Variants in NOPCHAP1 observed in about 807,000 individuals in gnomAD.
NOPCHAP1 encodes the protein DNA damage-sensitive RNA 1.
NOPCHAP1 carries 13 observed loss-of-function variants against 14.0 expected under a neutral mutation model. That is an observed-to-expected ratio of 0.93 (90% confidence interval 0.60 to 1.47). The LOEUF (loss-of-function observed/expected upper bound fraction) is 1.47. NOPCHAP1 is among the 40% of genes most tolerant of loss of function. The pLI, the probability that NOPCHAP1 is intolerant of heterozygous loss-of-function variation, is 0.00. For synonymous variants in NOPCHAP1, 78 were observed against 78.4 expected (o/e 1.00, Z 0.03); for missense variants, 230 against 226.9 (o/e 1.01, Z -0.09).
At position 104,986,384 on chromosome 12, in the gene NOPCHAP1, C is replaced by G. The variant is rs535539364; in HGVS notation, c.32C>G (p.Pro11Arg). MEVHGKPKASPSCSSPTRDSS... is the reference protein window; with the variant it reads MEVHGKPKASRSCSSPTRDSS... ...GTCCATGGCAAGCCCAAGGCTAGCC[C>G]GAGTTGTTCGTCGCCCACCCGGGAT... The change falls in exon 1 of 4, where the codon CCG becomes CGG. Residue 11 changes from proline to arginine, a missense_variant. Transcript: ENST00000552951. 9 of 1,611,496 alleles carry G rather than the reference C, an allele frequency of 5.6e-6. No individual in the cohort carries two copies. In the Admixed American group the frequency reaches 6.7e-5, roughly 12 times the overall value.
chr12:105,011,259 T>G lies in NOPCHAP1; in HGVS notation c.*16563T>G, dbSNP rs1873813019. ...CCTTCTTTGTCTTTTTTGATCTTTG[T>G]TGGTTTAAAGTCTGTTTTATCGGAG... On this transcript the variant is annotated 3_prime_UTR_variant, in exon 4 of 4. Transcript: ENST00000552951. 1 of 152,230 alleles carries G rather than the reference T, an allele frequency of 6.6e-6. No homozygotes were observed. The highest frequency in any genetic ancestry group is 1.5e-5 in the Non-Finnish European group (1 of 68,040). The allele number at this position is 152,230 out of a possible 1,614,324, so 9.4% of individuals were successfully genotyped here.
intron 2 of NOPCHAP1, among the ~76,000 whole-genome samples, chr12:104,989,194 G>A (rs1175409485): frequency 6.6e-6 from 1 of 152,116 alleles, no homozygotes; most frequent in Non-Finnish European, 1.5e-5. Flanking sequence ...ATAATGTTGA[G>A]CATCTTTTCA....
Position 105,010,428 on chromosome 12 carries a change from T to C in NOPCHAP1, c.*15732T>C, listed in dbSNP as rs1873795717. 1 of 152,204 alleles carries C rather than the reference T, an allele frequency of 6.6e-6. No homozygotes were observed. Among genetic ancestry groups the C allele is most frequent in the South Asian group, 2.1e-4 (1 of 4,830 alleles). The allele number at this position is 152,204 out of a possible 1,614,324, so 9.4% of individuals were successfully genotyped here. On this transcript the variant is annotated 3_prime_UTR_variant, in exon 4 of 4. Transcript: ENST00000552951. ...TTGTTAATCTTCTCAAAAAACCAGC[T>C]CCTGGATTCGTGGATTTTTTGAAGG...
chr12:104,989,361 C>T (rs1873324053), intron 2 of NOPCHAP1, among the ~76,000 whole-genome samples: 2 of 152,188 alleles, frequency 1.3e-5, no homozygotes, highest in South Asian at 4.1e-4. Flanking sequence ...ATTTTGCTTT[C>T]AGTTTTTGGA....
intron 1 of NOPCHAP1, 127 bp from the exon 2 acceptor site, chr12:104,988,040 A>T: frequency 6.0e-6 from 3 of 497,298 alleles, no homozygotes; most frequent in Non-Finnish European, 1.1e-5. Context: ...GTTCTCCTTT[A>T]AAAAAAAAAT....
At chr12:104,989,894 A>G (rs1873334896) in intron 2 of NOPCHAP1, among the ~76,000 whole-genome samples, 1 of 152,080 alleles carries the variant, frequency 6.6e-6, no homozygotes, top group African/African-American at 2.4e-5. Flanking sequence ...AATTCTATCA[A>G]ATGTATTTTT....
chr12:104,990,038 T>C (rs1026432889), intron 2 of NOPCHAP1, among the ~76,000 whole-genome samples: 2 of 152,260 alleles, frequency 1.3e-5, no homozygotes, highest in Non-Finnish European at 2.9e-5. Flanking sequence ...AACATTCTTA[T>C]TGCTGATTCT....
chr12:105,008,738 G>A lies in NOPCHAP1; in HGVS notation c.*14042G>A, dbSNP rs543922830. On this transcript the variant is annotated 3_prime_UTR_variant, in exon 4 of 4. Coordinates refer to ENST00000552951, the MANE Select transcript of NOPCHAP1 (RefSeq NM_152318.3). ...TACCCAACACCATTTATTAAATAGG[G>A]AATCTTTTCTCCATTGCTTGTTTTT... The A allele has an allele frequency of 6.6e-6, 1 of 152,250 alleles. No homozygotes were observed. Among genetic ancestry groups the A allele is most frequent in the Non-Finnish European group, 1.5e-5 (1 of 68,014 alleles). The allele number at this position is 152,250 out of a possible 1,614,324, so 9.4% of individuals were successfully genotyped here.
At position 105,006,381 on chromosome 12, in the gene NOPCHAP1, G is replaced by A. The variant is rs1219625347; in HGVS notation, c.*11685G>A. ...TCATGATCCCCTGACCCTAGAGGCT[G>A]AATTAGAAGCCTTCTGTTTGGGGGA... On this transcript the variant is annotated 3_prime_UTR_variant, in exon 4 of 4. Transcript: ENST00000552951. The A allele has an allele frequency of 2.0e-5, 3 of 152,178 alleles. No individual in the cohort carries two copies. The highest frequency in any genetic ancestry group is 4.4e-5 in the Non-Finnish European group (3 of 68,054). The allele number at this position is 152,178 out of a possible 1,614,324, so 9.4% of individuals were successfully genotyped here.
Position 105,014,407 on chromosome 12 carries a change from G to A in NOPCHAP1, c.*19711G>A, listed in dbSNP as rs1447886067. ...GTTCATCTGTGAATTTTTTCAAATT[G>A]TCACAAATCTCCAAAAATGTTAAAA... is the stretch of plus-strand genomic sequence containing the variant. On this transcript the variant is annotated 3_prime_UTR_variant, in exon 4 of 4. Coordinates refer to ENST00000552951, the MANE Select transcript of NOPCHAP1 (RefSeq NM_152318.3). The A allele has an allele frequency of 2.0e-5, 3 of 151,950 alleles. No individual in the cohort carries two copies. The highest frequency in any genetic ancestry group is 2.9e-5 in the Non-Finnish European group (2 of 67,998). 9.4% of individuals were successfully genotyped at this position (151,950 alleles called of 1,614,324 possible). A position where few individuals can be genotyped will look rare whatever the true frequency, so the allele number is the denominator to read the frequency against.
In NOPCHAP1 at chr12:105,000,772, T is replaced by C. The variant is rs1008747331; in HGVS notation, c.*6076T>C. The C allele has an allele frequency of 2.0e-5, 3 of 152,060 alleles. No individual in the cohort carries two copies. Among genetic ancestry groups the C allele is most frequent in the Non-Finnish European group, 2.9e-5 (2 of 68,012 alleles). The allele number at this position is 152,060 out of a possible 1,614,324, so 9.4% of individuals were successfully genotyped here. A position where few individuals can be genotyped will look rare whatever the true frequency, so the allele number is the denominator to read the frequency against. On this transcript the variant is annotated 3_prime_UTR_variant, in exon 4 of 4. Coordinates refer to ENST00000552951, the MANE Select transcript of NOPCHAP1 (RefSeq NM_152318.3). The stretch of plus-strand genomic sequence containing the variant: ...TTGTGAAATGCTTGGTTGTCCTCCA[T>C]TGATAGATCGTGAAAGGCTTTTTTT...
rs998631595 is a variant in NOPCHAP1 at position 105,016,244 on chromosome 12, G to A, written c.*21548G>A. ...AATGAAGAAGTAATTCACAGAAAAA[G>A]GGTCAACTCCATTTATCAGAGAAAT... On this transcript the variant is annotated 3_prime_UTR_variant, in exon 4 of 4. Transcript: ENST00000552951. The A allele has an allele frequency of 2.0e-5, 3 of 152,086 alleles. No homozygotes were observed. The highest frequency in any genetic ancestry group is 7.2e-5 in the African/African-American group (3 of 41,410). 9.4% of individuals were successfully genotyped at this position (152,086 alleles called of 1,614,324 possible).
rs903855277 is a variant in NOPCHAP1 at position 105,017,137 on chromosome 12, A to G, written c.*22441A>G. 1 of 152,150 alleles carries G rather than the reference A, an allele frequency of 6.6e-6. No individual in the cohort carries two copies. The highest frequency in any genetic ancestry group is 1.5e-5 in the Non-Finnish European group (1 of 68,026). 9.4% of individuals were successfully genotyped at this position (152,150 alleles called of 1,614,324 possible). A position where few individuals can be genotyped will look rare whatever the true frequency, so the allele number is the denominator to read the frequency against. ...ATTTTAATTGCGCATCAAATATGGT[A>G]CTTATTTTTAAAAACTGCCTAGCAG... On this transcript the variant is annotated 3_prime_UTR_variant, in exon 4 of 4. Coordinates refer to ENST00000552951, the MANE Select transcript of NOPCHAP1 (RefSeq NM_152318.3).
intron 1 of NOPCHAP1, among the ~76,000 whole-genome samples, chr12:104,986,761 A>G (rs1246145063): frequency 6.6e-6 from 1 of 152,164 alleles, no homozygotes; most frequent in Non-Finnish European, 1.5e-5. Context: ...CCTGCCCTGG[A>G]AGCTGGGAAG....
rs1332090020 is a variant in NOPCHAP1, at chr12:105,009,797, C to T, written c.*15101C>T. 1.3e-5 allele frequency: 2 copies of T among 152,216 alleles called. No individual in the cohort carries two copies. The highest frequency in any genetic ancestry group is 4.8e-5 in the African/African-American group (2 of 41,450). 9.4% of individuals were successfully genotyped at this position (152,216 alleles called of 1,614,324 possible). On this transcript the variant is annotated 3_prime_UTR_variant, in exon 4 of 4. Coordinates refer to ENST00000552951, the MANE Select transcript of NOPCHAP1 (RefSeq NM_152318.3). Reference sequence around the variant, plus strand: ...ATTTGTGTATGTTGAACCAGCCTTGCATCCCAGGGATGAAGCTGACTTGAT... The same window carrying T: ...ATTTGTGTATGTTGAACCAGCCTTGTATCCCAGGGATGAAGCTGACTTGAT...
rs1489197944 is a variant in NOPCHAP1, at chr12:105,000,081, A to C, written c.*5385A>C. On this transcript the variant is annotated 3_prime_UTR_variant, in exon 4 of 4. Coordinates refer to ENST00000552951, the MANE Select transcript of NOPCHAP1 (RefSeq NM_152318.3). ...ACCACATTTAGTGGAAAAGCACCTT[A>C]CTATATTTAATCCAATGACATTATA... 1 of 152,174 alleles carries C rather than the reference A, an allele frequency of 6.6e-6. No homozygotes were observed. Among genetic ancestry groups the C allele is most frequent in the East Asian group, 1.9e-4 (1 of 5,190 alleles). 9.4% of individuals were successfully genotyped at this position (152,174 alleles called of 1,614,324 possible). A position where few individuals can be genotyped will look rare whatever the true frequency, so the allele number is the denominator to read the frequency against.
rs1400090256 is a variant in NOPCHAP1, at chr12:104,988,213, G to C, written c.162G>C (p.Lys54Asn). Residue 54 changes from lysine (K) to asparagine (N), a missense_variant, in exon 2 of 4, where the codon AAG (lysine) becomes AAC (asparagine). Lys to Asn is a moderately conservative substitution (Grantham distance 94). Coordinates refer to ENST00000552951, the MANE Select transcript of NOPCHAP1 (RefSeq NM_152318.3). ...TCAACTCCCAACCTAAGTCCAGAAA[G>C]ACCTCCACTCTTCAAACAGTTCGGA... is the stretch of plus-strand genomic sequence containing the variant. ...LLINSQPKSR[K>N]TSTLQTVRIE... 14 of 1,613,050 alleles carry C rather than the reference G, an allele frequency of 8.7e-6. No homozygotes were observed. Among genetic ancestry groups the C allele is most frequent in the Non-Finnish European group, 1.1e-5 (13 of 1,179,518 alleles).
At chr12:104,990,106 G>A (rs1592747742) in intron 2 of NOPCHAP1, among the ~76,000 whole-genome samples, 2 of 152,054 alleles carry the variant, frequency 1.3e-5, no homozygotes, top group Non-Finnish European at 2.9e-5. Context: ...ATGTTTTCCT[G>A]TTTATTTGCA....
rs987105260 is a variant in NOPCHAP1, at chr12:105,007,490, G to A, written c.*12794G>A. 2.0e-4 allele frequency: 31 copies of A among 152,126 alleles called. No homozygotes were observed. The highest frequency in any genetic ancestry group is 7.5e-4 in the African/African-American group (31 of 41,428). The allele number at this position is 152,126 out of a possible 1,614,324, so 9.4% of individuals were successfully genotyped here. A position where few individuals can be genotyped will look rare whatever the true frequency, so the allele number is the denominator to read the frequency against. ...GCACTTTATATGGTTCCTACCTATG[G>A]TGTTATTCAAGGTTTACAATATTGC... On this transcript the variant is annotated 3_prime_UTR_variant, in exon 4 of 4. Transcript: ENST00000552951.
Sources: allele counts gnomAD v4.1 joint callset (sites outside exome capture counted in the v4.1 genomes callset), GRCh38; gene constraint gnomAD v4.1.1; transcripts MANE v1.5; gene names NCBI Gene and HGNC (gene_info 2026-07-23, HGNC 2026-07-21).